Variants in IGDCC3 observed in about 807,000 individuals in gnomAD.
The protein encoded by IGDCC3 is putative neuronal cell adhesion molecule.
Under a neutral mutation model 72.0 loss-of-function variants are expected in IGDCC3, and 47 were observed. The ratio of observed to expected loss-of-function variants is 0.65; its 90% confidence interval spans 0.52 to 0.83. The LOEUF (loss-of-function observed/expected upper bound fraction) is 0.83. Among genes scored for constraint, IGDCC3 ranks in the 40% least tolerant of loss-of-function variants. The pLI, the probability that IGDCC3 is intolerant of heterozygous loss-of-function variation, is 0.00. For synonymous variants in IGDCC3, 477 were observed against 472.8 expected (o/e 1.01, Z -0.11); for missense variants, 1,038 against 1,091.3 (o/e 0.95, Z 0.69).
intron 2 of IGDCC3, among the ~76,000 whole-genome samples, chr15:65,342,871 G>C (rs1326559917): frequency 6.6e-6 from 1 of 151,888 alleles, no homozygotes; most frequent in Non-Finnish European, 1.5e-5. Flanking sequence ...TTTTTTGTTT[G>C]TTTTTGAGAC....
At chr15:65,332,871 AG>A (rs1429725776) in intron 6 of IGDCC3, among the ~76,000 whole-genome samples, 1 of 152,232 alleles carries the variant, frequency 6.6e-6, no homozygotes, top group African/African-American at 2.4e-5. Flanking sequence ...GCAGGCCCGG[AG>A]TGCACAGGCA....
At chr15:65,355,178 C>T (rs1163176702) in intron 2 of IGDCC3, among the ~76,000 whole-genome samples, 1 of 152,196 alleles carries the variant, frequency 6.6e-6, no homozygotes, top group Non-Finnish European at 1.5e-5. Context: ...GGAAGCCCGG[C>T]CCCCGCGGGG....
At position 65,335,862 on chromosome 15, in the gene IGDCC3, G is replaced by T; in HGVS notation, c.504C>A (p.Pro168=). 6.2e-7 allele frequency: 1 copy of T among 1,614,196 alleles called. No homozygotes were observed. The highest frequency in any genetic ancestry group is 1.1e-5 in the South Asian group (1 of 91,088). Reference sequence around the variant, plus strand: ...CTCTGTTCTTCTCCCAAGTGATCAGGGGTTTGGGAAGCCCATGGATTTGGC... The same window carrying T: ...CTCTGTTCTTCTCCCAAGTGATCAGTGGTTTGGGAAGCCCATGGATTTGGC... ...FQCQIHGLPK[P]LITWEKNRVP... is the part of the protein sequence containing the mutation. The change falls in exon 3 of 14, where the codon CCC becomes CCA. Residue 168 remains proline (P), a synonymous_variant. Transcript: ENST00000327987.
chr15:65,343,672 A>C (rs2091101934), intron 2 of IGDCC3, among the ~76,000 whole-genome samples: 1 of 152,068 alleles, frequency 6.6e-6, no homozygotes, highest in South Asian at 2.1e-4. Context: ...CCCGATGGCT[A>C]CTCTGGCCTC....
rs1176066764 is a variant in IGDCC3 at position 65,375,121 on chromosome 15, G to A, written c.385C>T (p.Arg129Trp). ...AQNRFGLVVSRKARIQAATMS... is the reference protein window; with the variant it reads ...AQNRFGLVVSWKARIQAATMS... ...CTTGCAGCTTGGATGCGAGCCTTCCGGCTGACCACCAGCCCAAAGCGGTTC... is the reference window on the plus strand; with the variant it reads ...CTTGCAGCTTGGATGCGAGCCTTCCAGCTGACCACCAGCCCAAAGCGGTTC... The change falls in exon 2 of 14, where the codon CGG becomes TGG. Residue 129 changes from arginine to tryptophan, a missense_variant. By Grantham distance (101) the Arg-to-Trp change is moderately radical. Transcript: ENST00000327987. 7 of 1,613,288 alleles carry A rather than the reference G, an allele frequency of 4.3e-6. No individual in the cohort carries two copies. The South Asian group carries it at 4.4e-5, about 10-fold the overall frequency.
In IGDCC3 at chr15:65,339,724, T is replaced by C. The variant is rs888908410; in HGVS notation, c.410-3768A>G. ...TGATGACAGTACAGACCAGCTAGTGTATTAGCATTGAGTATTTATGTCTGG... is the reference window on the plus strand; with the variant it reads ...TGATGACAGTACAGACCAGCTAGTGCATTAGCATTGAGTATTTATGTCTGG... On this transcript the variant is annotated intron_variant, in intron 2 of 13. Coordinates refer to ENST00000327987, the MANE Select transcript of IGDCC3 (RefSeq NM_004884.4). This position sits in a 1 kb window ranked among gnomAD's most constrained non-coding sequence, Gnocchi z 4.1. 6.6e-6 allele frequency among the ~76,000 whole-genome samples: 1 copy of C among 152,226 alleles called. No homozygotes were observed. The highest frequency in any genetic ancestry group is 2.4e-5 in the African/African-American group (1 of 41,472).
At chr15:65,350,059 G>A (rs2091160041) in intron 2 of IGDCC3, among the ~76,000 whole-genome samples, 1 of 152,202 alleles carries the variant, frequency 6.6e-6, no homozygotes, top group Non-Finnish European at 1.5e-5. Flanking sequence ...GTAAAGATCA[G>A]AAGCTAGAAA....
chr15:65,376,548 G>A (rs1397263047), intron 1 of IGDCC3, among the ~76,000 whole-genome samples: 1 of 152,250 alleles, frequency 6.6e-6, no homozygotes, highest in East Asian at 1.9e-4. Context: ...ATGGGGAAAT[G>A]GGTGGGGAGA....
intron 2 of IGDCC3, among the ~76,000 whole-genome samples, chr15:65,346,013 G>A (rs1208847255): frequency 1.3e-5 from 2 of 152,156 alleles, no homozygotes; most frequent in Non-Finnish European, 2.9e-5. Flanking sequence ...CAGAAAAACA[G>A]AGAGGCACAC....
chr15:65,376,695 C>G (rs1209150178), intron 1 of IGDCC3, among the ~76,000 whole-genome samples: 1 of 152,150 alleles, frequency 6.6e-6, no homozygotes, highest in Non-Finnish European at 1.5e-5. Flanking sequence ...CGCATCCTCC[C>G]CATGTCGTGA....
chr15:65,353,326 C>A (rs1489267311), intron 2 of IGDCC3, among the ~76,000 whole-genome samples: 1 of 150,052 alleles, frequency 6.7e-6, no homozygotes. Context: ...TCTTAGCTCA[C>A]TGCAACCTCT....
rs1359057106 is a variant in IGDCC3 at position 65,330,371 on chromosome 15, G to A, written c.1780C>T (p.Leu594=). ...TCTCCATGCTGGTTGTAGGCGAGCA[G>A]CTTCACCTCATACACTGCAGTGGGG... ...LDPTAVYEVK[L]LAYNQHGDGN... The change falls in exon 11 of 14, where the codon CTG becomes TTG. Residue 594 remains leucine, a synonymous_variant. Coordinates refer to ENST00000327987, the MANE Select transcript of IGDCC3 (RefSeq NM_004884.4). The A allele has an allele frequency of 6.2e-7, 1 of 1,614,042 alleles. No homozygotes were observed. Among genetic ancestry groups the A allele is most frequent in the East Asian group, 2.2e-5 (1 of 44,876 alleles).
chr15:65,368,313 G>A (rs1001271624), intron 2 of IGDCC3, among the ~76,000 whole-genome samples: 1 of 151,790 alleles, frequency 6.6e-6, no homozygotes, highest in Non-Finnish European at 1.5e-5. Flanking sequence ...GGTTAAGGGG[G>A]GCTGGGGGCC....
chr15:65,352,387 T>C (rs950618510), intron 2 of IGDCC3, among the ~76,000 whole-genome samples: 2 of 152,248 alleles, frequency 1.3e-5, no homozygotes, highest in African/African-American at 2.4e-5. Flanking sequence ...TTGGAGAAAC[T>C]GATTATTTTA....
intron 2 of IGDCC3, among the ~76,000 whole-genome samples, chr15:65,368,770 C>G (rs913269063): frequency 1.3e-5 from 2 of 152,090 alleles, no homozygotes; most frequent in African/African-American, 2.4e-5. Flanking sequence ...GGATCCTGCC[C>G]CGCGTGCATT....
At chr15:65,371,082 G>A (rs1323380944) in intron 2 of IGDCC3, among the ~76,000 whole-genome samples, 7 of 152,260 alleles carry the variant, frequency 4.6e-5, no homozygotes, top group Non-Finnish European at 7.3e-5. Flanking sequence ...GCCCAGGCAA[G>A]ATGGCCCCAG....
chr15:65,374,050 TG>T (rs1304310412), intron 2 of IGDCC3: 1 of 152,150 alleles, frequency 6.6e-6, no homozygotes, highest in Non-Finnish European at 1.5e-5. Context: ...GCACAAGAAT[TG>T]CTTGAACCCG....
chr15:65,373,236 C>T (rs113714578), intron 2 of IGDCC3, among the ~76,000 whole-genome samples: 5 of 152,308 alleles, frequency 3.3e-5, no homozygotes, highest in African/African-American at 1.2e-4. Flanking sequence ...GTATGGGGAG[C>T]ATCTCCCTGA....
rs1003205482 is a variant in IGDCC3, at chr15:65,327,254, C to A, written c.*1655G>T. ...CCCTTCCCAAGGGAGAGGGAGGCTCCCGAGAGAAGCTGCTTTGGGAACAGA... is the reference window on the plus strand; with the variant it reads ...CCCTTCCCAAGGGAGAGGGAGGCTCACGAGAGAAGCTGCTTTGGGAACAGA... On this transcript the variant is annotated 3_prime_UTR_variant, in exon 14 of 14. Coordinates refer to ENST00000327987, the MANE Select transcript of IGDCC3 (RefSeq NM_004884.4). 1 of 152,648 alleles carries A rather than the reference C, an allele frequency of 6.6e-6. No homozygotes were observed. The highest frequency in any genetic ancestry group is 2.4e-5 in the African/African-American group (1 of 41,466). 9.5% of individuals were successfully genotyped at this position (152,648 alleles called of 1,614,324 possible).
Sources: allele counts gnomAD v4.1 joint callset (sites outside exome capture counted in the v4.1 genomes callset), GRCh38; gene constraint gnomAD v4.1.1; non-coding constraint Gnocchi (gnomAD v3.1); transcripts MANE v1.5; gene names NCBI Gene and HGNC (gene_info 2026-07-23, HGNC 2026-07-21).